C8orf89: variants seen among roughly 807,000 people sequenced by gnomAD.
The protein encoded by C8orf89 is chromosome 8 open reading frame 89, also known as putative uncharacterized protein C8orf89.
A neutral mutation model predicts 15.8 loss-of-function variants in C8orf89; 14 were observed. The observed-to-expected ratio is 0.89, with a 90% CI of 0.59 to 1.39. The LOEUF is 1.39. C8orf89 is among the 40% of genes most tolerant of loss of function. C8orf89 has a pLI of 0.00. For missense variants in C8orf89, 181 were observed against 184.5 expected, an observed-to-expected ratio of 0.98 and a Z score of 0.11; for synonymous variants, 55 against 62.2, an observed-to-expected ratio of 0.88 and a Z score of 0.54.
the C8orf89 span, among the ~76,000 whole-genome samples, chr8:73,275,231 C>CTTTTTT: frequency 4.7e-5 from 4 of 84,744 alleles, no homozygotes; most frequent in Non-Finnish European, 8.5e-5. Context: ...TGTAATAGTT[C>CTTTTTT]TTTTTTTTTT....
the C8orf89 span, among the ~76,000 whole-genome samples, chr8:73,272,192 A>G: frequency 3.1e-4 from 47 of 152,238 alleles, 1 homozygote; most frequent in African/African-American, 1.1e-3. Context: ...ATTAATTCCT[A>G]ATGAGAGAAG....
At chr8:73,276,583 A>G in the C8orf89 span, among the ~76,000 whole-genome samples, 1 of 152,112 alleles carries the variant, frequency 6.6e-6, no homozygotes. Flanking sequence ...TCACTTTATA[A>G]TTTACCTTTG....
In C8orf89 at chr8:73,255,901, T is replaced by C. The variant is rs1369958840; in HGVS notation, c.281+1072A>G. Among the ~76,000 whole-genome samples the C allele has an allele frequency of 2.0e-4, 30 of 149,264 alleles. 1 individual carries two copies. The highest frequency in any genetic ancestry group is 2.0e-4 in the East Asian group (1 of 5,094). ...GCATATTCTCACTCATAGGTGGGAATTGAACAATGAGAACACATGGACACA... is the reference window on the plus strand; with the variant it reads ...GCATATTCTCACTCATAGGTGGGAACTGAACAATGAGAACACATGGACACA... On this transcript the variant is annotated intron_variant, in intron 2 of 3. Transcript: ENST00000624510.
At chr8:73,285,871 G>A in the C8orf89 span, among the ~76,000 whole-genome samples, 1 of 152,182 alleles carries the variant, frequency 6.6e-6, no homozygotes, top group African/African-American at 2.4e-5. Flanking sequence ...AGCATGCCCC[G>A]CAGCCAGCAG....
At chr8:73,282,546 G>A in the C8orf89 span, among the ~76,000 whole-genome samples, 1 of 152,180 alleles carries the variant, frequency 6.6e-6, no homozygotes, top group African/African-American at 2.4e-5. Flanking sequence ...AAGGCAGTGT[G>A]AGAAATAATG....
chr8:73,274,205 G>C, the C8orf89 span, among the ~76,000 whole-genome samples: 2 of 152,132 alleles, frequency 1.3e-5, no homozygotes, highest in East Asian at 1.9e-4. Flanking sequence ...CCAGGCTGGA[G>C]TGCAGTGGCG....
the C8orf89 span, among the ~76,000 whole-genome samples, chr8:73,282,589 C>G: frequency 6.6e-6 from 1 of 152,178 alleles, no homozygotes; most frequent in Non-Finnish European, 1.5e-5. Flanking sequence ...ACAGACAAAT[C>G]TGAATGCTGG....
intron 2 of C8orf89, among the ~76,000 whole-genome samples, chr8:73,253,581 T>C (rs2130271598): frequency 6.6e-6 from 1 of 151,838 alleles, no homozygotes; most frequent in South Asian, 2.1e-4. Flanking sequence ...TGGAATGTTC[T>C]TCCATTTGTT....
At chr8:73,285,702 G>C in the C8orf89 span, among the ~76,000 whole-genome samples, 1 of 152,218 alleles carries the variant, frequency 6.6e-6, no homozygotes, top group South Asian at 2.1e-4. Context: ...GGGGTGGCTG[G>C]GGCAGCGGGC....
intron 3 of C8orf89, among the ~76,000 whole-genome samples, chr8:73,246,133 T>C (rs1417534341): frequency 6.6e-6 from 1 of 152,160 alleles, no homozygotes; most frequent in Admixed American, 6.5e-5. Context: ...CATTTCTAAA[T>C]TGGGTGTATT....
the C8orf89 span, among the ~76,000 whole-genome samples, chr8:73,274,018 A>G: frequency 1.1e-4 from 16 of 152,108 alleles, no homozygotes; most frequent in African/African-American, 3.9e-4. Flanking sequence ...ACGTTCATCT[A>G]ATTTTTTTTA....
At chr8:73,252,918 G>A (rs1813279452) in intron 2 of C8orf89, among the ~76,000 whole-genome samples, 1 of 152,194 alleles carries the variant, frequency 6.6e-6, no homozygotes, top group Non-Finnish European at 1.5e-5. Context: ...GAGGTGGGTG[G>A]ATCACGAGGT....
At chr8:73,271,059 T>C in the C8orf89 span, among the ~76,000 whole-genome samples, 1 of 152,210 alleles carries the variant, frequency 6.6e-6, no homozygotes, top group Admixed American at 6.5e-5. Flanking sequence ...CAAAGCCCTT[T>C]GCCAATCCCC....
chr8:73,257,373 C>T (rs1197014923), intron 1 of C8orf89, among the ~76,000 whole-genome samples: 1 of 152,150 alleles, frequency 6.6e-6, no homozygotes, highest in East Asian at 1.9e-4. Flanking sequence ...ATGGATCTTC[C>T]ACAGTCGTCA....
the C8orf89 span, among the ~76,000 whole-genome samples, chr8:73,281,914 G>T: frequency 6.6e-6 from 1 of 152,210 alleles, no homozygotes; most frequent in Non-Finnish European, 1.5e-5. Context: ...CCTTTCTGCT[G>T]ACTGGATTTA....
intron 1 of C8orf89, among the ~76,000 whole-genome samples, chr8:73,258,669 C>T (rs187958367): frequency 7.0e-6 from 1 of 142,472 alleles, no homozygotes; most frequent in Admixed American, 7.1e-5. Context: ...CACTTTGTTG[C>T]CCAGACTGAA....
chr8:73,262,811 T>G (rs1813552493), upstream of C8orf89, among the ~76,000 whole-genome samples: 1 of 100,616 alleles, frequency 9.9e-6, no homozygotes, highest in African/African-American at 3.8e-5. Flanking sequence ...AGTAAGATCC[T>G]GGCTCAAAAA....
At chr8:73,249,995 C>T (rs1813212598) in intron 3 of C8orf89, among the ~76,000 whole-genome samples, 1 of 151,944 alleles carries the variant, frequency 6.6e-6, no homozygotes, top group Non-Finnish European at 1.5e-5. Flanking sequence ...TGAAGGATTT[C>T]AAAGATCAGA....
At chr8:73,284,029 C>A in the C8orf89 span, among the ~76,000 whole-genome samples, 2 of 143,960 alleles carry the variant, frequency 1.4e-5, no homozygotes, top group Admixed American at 7.2e-5. Flanking sequence ...GCAACAAGAA[C>A]GAAACTCTGT....
Sources: gnomAD v4.1 joint callset for allele counts (sites outside exome capture counted in the v4.1 genomes callset) on GRCh38, gnomAD v4.1.1 for gene constraint, MANE v1.5 for transcripts, NCBI Gene and HGNC (gene_info 2026-07-23, HGNC 2026-07-21) for gene names.